The following DLGAP2 variants were observed in gnomAD, a reference collection of about 807,000 sequenced individuals.
DLGAP2 encodes disks large-associated protein 2.
In DLGAP2, 26 loss-of-function variants were observed where a neutral mutation model predicts 100.3. The ratio of observed to expected loss-of-function variants is 0.26; its 90% CI spans 0.19 to 0.36. The LOEUF (loss-of-function observed/expected upper bound fraction) is 0.36, where lower values mean the gene tolerates loss of function less well. DLGAP2 is among the 10% of genes least tolerant of loss of function. The probability of loss-of-function intolerance (pLI) is 1.00; values close to 1 mark genes in which losing one functional copy is unlikely to be tolerated. For missense variants in DLGAP2, 1,858 were observed against 1,453.2 expected (o/e 1.28, Z -4.53); for synonymous variants, 886 against 630.1 (o/e 1.41, Z -6.08).
chr8:1,317,660 A>G lies in DLGAP2; in HGVS notation c.106+58777A>G, dbSNP rs1353502259. Among the ~76,000 whole-genome samples the G allele has an allele frequency of 7.0e-5, 10 of 142,086 alleles. No homozygotes were observed. The East Asian group carries it at 2.1e-3, about 30-fold the overall frequency. 93.2% of individuals were successfully genotyped at this position (142,086 alleles called of 152,430 possible). On this transcript the variant is annotated intron_variant, in intron 3 of 14. Transcript: ENST00000637795. Reference sequence around the variant, plus strand: ...TCGAGACACTCGGCAGCGTTTAAAAATAGAGCGTGTGCGAGTGCAGCGTCT... The same window carrying G: ...TCGAGACACTCGGCAGCGTTTAAAAGTAGAGCGTGTGCGAGTGCAGCGTCT...
At position 1,549,287 on chromosome 8, in the gene DLGAP2, C is replaced by T. The variant is rs758736390; in HGVS notation, c.834C>T (p.Ser278=). The change falls in exon 5 of 15, where the codon AGC becomes AGT. Residue 278 remains serine, a synonymous_variant. Coordinates refer to ENST00000637795, the MANE Select transcript of DLGAP2 (RefSeq NM_001346810.2). ...ACCACGCCAAGCACAGCAAGAGGAG[C>T]AAGAGCAAGGAGCGCAAGCCGGAGG... ...HAHHAKHSKR[S]KSKERKPEGK... is the part of the protein sequence containing the mutation. The T allele has an allele frequency of 9.3e-6, 15 of 1,612,028 alleles. No individual in the cohort carries two copies. Among genetic ancestry groups the T allele is most frequent in the Non-Finnish European group, 1.3e-5 (15 of 1,179,638 alleles).
chr8:826,285 A>G (rs1796684007), intron 1 of DLGAP2, among the ~76,000 whole-genome samples: 1 of 152,214 alleles, frequency 6.6e-6, no homozygotes. Flanking sequence ...TGCAGTCAAC[A>G]TGGGCATGCA....
At chr8:1,501,492 G>A (rs1025469189) in intron 4 of DLGAP2, 61 bp downstream of exon 4, 2 of 1,488,714 alleles carry the variant, frequency 1.3e-6, no homozygotes, top group Non-Finnish European at 1.8e-6. Context: ...CATGCTCCGG[G>A]CACCTCCCAT....
chr8:903,382 A>T (rs1283735898), intron 1 of DLGAP2, among the ~76,000 whole-genome samples: 1 of 152,000 alleles, frequency 6.6e-6, no homozygotes, highest in East Asian at 1.9e-4. Flanking sequence ...CCCGGGCAGC[A>T]CCTTTGAAGG....
intron 2 of DLGAP2, among the ~76,000 whole-genome samples, chr8:1,082,376 C>A (rs1355822131): frequency 2.0e-5 from 3 of 152,170 alleles, no homozygotes; most frequent in Non-Finnish European, 4.4e-5. Flanking sequence ...TTAAAAAAAT[C>A]ACCTTTTCAA....
At chr8:1,622,546 G>C (rs764087991) in intron 6 of DLGAP2, 14 of 152,210 alleles carry the variant, frequency 9.2e-5, no homozygotes, top group Non-Finnish European at 1.5e-4. Context: ...CATTCGCAAA[G>C]GGCGAGAACA....
intron 1 of DLGAP2, among the ~76,000 whole-genome samples, chr8:897,401 C>A (rs1397416927): frequency 1.3e-5 from 2 of 152,186 alleles, no homozygotes; most frequent in African/African-American, 4.8e-5. Context: ...CCTGGGAGGA[C>A]TTCAACTCCA....
intron 13 of DLGAP2, among the ~76,000 whole-genome samples, chr8:1,695,890 G>A (rs932710071): frequency 3.3e-5 from 5 of 152,224 alleles, no homozygotes; most frequent in African/African-American, 1.2e-4. Flanking sequence ...CGGGCTCCCA[G>A]CCGCTGGCCA....
chr8:1,181,292 C>G (rs1797381727), intron 2 of DLGAP2, among the ~76,000 whole-genome samples: 1 of 152,268 alleles, frequency 6.6e-6, no homozygotes, highest in South Asian at 2.1e-4. Flanking sequence ...GGGCAGTACA[C>G]TTAACGTGTT....
intron 2 of DLGAP2, among the ~76,000 whole-genome samples, chr8:955,602 G>C (rs931914660): frequency 6.6e-6 from 1 of 152,024 alleles, no homozygotes; most frequent in Non-Finnish European, 1.5e-5. Flanking sequence ...ATAATACGTG[G>C]GATCTACTAC....
intron 12 of DLGAP2, chr8:1,678,966 T>C (rs941307513): frequency 2.0e-5 from 5 of 248,600 alleles, no homozygotes; most frequent in African/African-American, 1.1e-4. Flanking sequence ...TTTGCAGCAT[T>C]TATGTTATTT....
chr8:1,127,835 G>T (rs1796202840), intron 2 of DLGAP2, among the ~76,000 whole-genome samples: 1 of 152,192 alleles, frequency 6.6e-6, no homozygotes, highest in African/African-American at 2.4e-5. Context: ...CCTCATAAGG[G>T]TTAAGTGGAT....
intron 3 of DLGAP2, among the ~76,000 whole-genome samples, chr8:1,302,777 C>T (rs1019852741): frequency 6.6e-6 from 1 of 152,274 alleles, no homozygotes; most frequent in African/African-American, 2.4e-5. Context: ...GACCATGGAG[C>T]GACCTTGCCC....
At position 1,703,045 on chromosome 8, in the gene DLGAP2, C is replaced by T. The variant is rs11987205; in HGVS notation, c.*1639C>T. The T allele has an allele frequency of 0.13, 19,385 of 152,696 alleles. 1,768 individuals are homozygous for T. The highest frequency in any genetic ancestry group is 0.25 in the African/African-American group (10,534 of 41,510). 9.5% of individuals were successfully genotyped at this position (152,696 alleles called of 1,614,324 possible). A position where few individuals can be genotyped will look rare whatever the true frequency, so the allele number is the denominator to read the frequency against. On this transcript the variant is annotated 3_prime_UTR_variant, in exon 15 of 15. Transcript: ENST00000637795. ...CGTTCGATGTGCGGTTGGCCCCCAG[C>T]GCGCCCTCCAGAGCTGCGGTGTCTC...
chr8:1,053,912 T>G lies in DLGAP2; in HGVS notation c.73+145946T>G, dbSNP rs1020508320. Among the ~76,000 whole-genome samples, 12 of 152,220 alleles carry G rather than the reference T, an allele frequency of 7.9e-5. 1 individual carries two copies. The highest frequency in any genetic ancestry group is 2.9e-4 in the African/African-American group (12 of 41,462). On this transcript the variant is annotated intron_variant, in intron 2 of 14. Coordinates refer to ENST00000637795, the MANE Select transcript of DLGAP2 (RefSeq NM_001346810.2). ...TAGAGCAAGTACTGTTGAGTTTATATTTTCCAAAAGATTAAAAATGATCCC... is the reference window on the plus strand; with the variant it reads ...TAGAGCAAGTACTGTTGAGTTTATAGTTTCCAAAAGATTAAAAATGATCCC...
At chr8:1,386,574 C>T (rs1354339721) in intron 3 of DLGAP2, among the ~76,000 whole-genome samples, 3 of 152,156 alleles carry the variant, frequency 2.0e-5, no homozygotes, top group African/African-American at 7.2e-5. Flanking sequence ...AGTAAGAGGG[C>T]CAGCCACACA....
At chr8:1,352,137 CCTGA>C (rs1257396663) in intron 3 of DLGAP2, among the ~76,000 whole-genome samples, 5 of 103,612 alleles carry the variant, frequency 4.8e-5, no homozygotes, top group African/African-American at 1.7e-4. Context: ...CCGTGCGGGT[CCTGA>C]CTGTGTGTGG....
At chr8:1,558,311 G>A (rs1308419876) in intron 5 of DLGAP2, among the ~76,000 whole-genome samples, 1 of 152,174 alleles carries the variant, frequency 6.6e-6, no homozygotes, top group Non-Finnish European at 1.5e-5. Flanking sequence ...CTGTAGTGTG[G>A]CCCACAGGTT....
intron 2 of DLGAP2, among the ~76,000 whole-genome samples, chr8:1,038,078 G>A (rs776910182): frequency 6.6e-6 from 1 of 152,222 alleles, no homozygotes; most frequent in Non-Finnish European, 1.5e-5. Context: ...GTCCTCGGAT[G>A]CTGTAGGTAG....
Sources: gnomAD v4.1 joint callset for allele counts (sites outside exome capture counted in the v4.1 genomes callset) on GRCh38, gnomAD v4.1.1 for gene constraint, MANE v1.5 for transcripts, NCBI Gene and HGNC (gene_info 2026-07-23, HGNC 2026-07-21) for gene names.